KLHL1: variants seen among roughly 807,000 people sequenced by gnomAD.
KLHL1 encodes kelch like family member 1, also known as kelch-like protein 1.
Under a neutral mutation model 77.7 loss-of-function variants are expected in KLHL1, and 47 were observed. The observed-to-expected ratio is 0.60, with a 90% CI of 0.48 to 0.77. KLHL1 has a LOEUF of 0.77. Among genes scored for constraint, KLHL1 ranks in the 30% least tolerant of loss-of-function variants. The pLI is 0.00. For missense variants in KLHL1, 925 were observed against 910.8 expected (o/e 1.02, Z -0.20); for synonymous variants, 360 against 325.2 (o/e 1.11, Z -1.15).
intron 5 of KLHL1, among the ~76,000 whole-genome samples, chr13:69,846,705 G>C (rs908471617): frequency 6.6e-6 from 1 of 151,196 alleles, no homozygotes; most frequent in African/African-American, 2.4e-5. Flanking sequence ...TAATTTACTT[G>C]TTGATGGTTT....
intron 5 of KLHL1, among the ~76,000 whole-genome samples, chr13:69,877,881 T>C (rs1475768314): frequency 5.3e-5 from 8 of 152,160 alleles, no homozygotes. Context: ...AATGTGCTAA[T>C]TTATAATTAA....
chr13:70,037,151 T>C (rs1185377767), intron 1 of KLHL1, among the ~76,000 whole-genome samples: 1 of 152,060 alleles, frequency 6.6e-6, no homozygotes, highest in African/African-American at 2.4e-5. Flanking sequence ...TTTTTGCTCA[T>C]AAATACATTT....
At chr13:70,069,330 C>A (rs1202039422) in intron 1 of KLHL1, among the ~76,000 whole-genome samples, 1 of 152,220 alleles carries the variant, frequency 6.6e-6, no homozygotes, top group Non-Finnish European at 1.5e-5. Context: ...GGAGTCTTAG[C>A]CAGTGAAACC....
At chr13:70,033,108 C>T (rs1168464520) in intron 1 of KLHL1, among the ~76,000 whole-genome samples, 1 of 152,050 alleles carries the variant, frequency 6.6e-6, no homozygotes, top group Non-Finnish European at 1.5e-5. Context: ...ATAAAAATTT[C>T]TTCTGAATGG....
intron 6 of KLHL1, among the ~76,000 whole-genome samples, chr13:69,824,075 T>C (rs1190117309): frequency 1.3e-5 from 2 of 152,044 alleles, no homozygotes; most frequent in Non-Finnish European, 2.9e-5. Context: ...TGCATGTTCA[T>C]AGAAGCATCC....
intron 7 of KLHL1, among the ~76,000 whole-genome samples, chr13:69,764,521 C>T (rs762664005): frequency 6.9e-6 from 1 of 145,028 alleles, no homozygotes; most frequent in Non-Finnish European, 1.5e-5. Flanking sequence ...GTCCTAAATT[C>T]ATAACATTTC....
intron 5 of KLHL1, among the ~76,000 whole-genome samples, chr13:69,841,707 T>C (rs1879268057): frequency 6.6e-6 from 1 of 151,656 alleles, no homozygotes; most frequent in Admixed American, 6.6e-5. Flanking sequence ...GATAAACAAT[T>C]CTAAAATATA....
At chr13:70,068,985 T>C (rs547836838) in intron 1 of KLHL1, among the ~76,000 whole-genome samples, 2 of 152,310 alleles carry the variant, frequency 1.3e-5, no homozygotes, top group South Asian at 4.1e-4. Flanking sequence ...TATATCAAAA[T>C]GTCTTAGGAG....
intron 8 of KLHL1, among the ~76,000 whole-genome samples, chr13:69,728,649 C>CAAAAAAAAA (rs536317353): frequency 7.5e-6 from 1 of 132,822 alleles, no homozygotes; most frequent in African/African-American, 2.8e-5. Flanking sequence ...CTAAAAATGC[C>CAAAAAAAAA]AAAAAAAAAA....
At chr13:69,702,324 C>G (rs1566348822) in intron 10 of KLHL1, among the ~76,000 whole-genome samples, 1 of 151,518 alleles carries the variant, frequency 6.6e-6, no homozygotes, top group African/African-American at 2.4e-5. Context: ...GAAATGAGAA[C>G]TGAGTATTTT....
At chr13:69,892,183 A>C (rs1481955130) in intron 4 of KLHL1, among the ~76,000 whole-genome samples, 1 of 152,170 alleles carries the variant, frequency 6.6e-6, no homozygotes, top group Non-Finnish European at 1.5e-5. Context: ...GAACGGTATG[A>C]GCTAGAAAGT....
At chr13:69,919,088 T>C (rs1378220696) in intron 4 of KLHL1, among the ~76,000 whole-genome samples, 1 of 151,998 alleles carries the variant, frequency 6.6e-6, no homozygotes, top group Non-Finnish European at 1.5e-5. Context: ...TCTAACACCA[T>C]AATGGTCTAA....
intron 1 of KLHL1, among the ~76,000 whole-genome samples, chr13:70,009,584 G>C (rs150624720): frequency 9.2e-5 from 14 of 152,124 alleles, no homozygotes; most frequent in African/African-American, 2.9e-4. Context: ...TTGTTATTGG[G>C]TAGTGAGAGT....
intron 4 of KLHL1, among the ~76,000 whole-genome samples, chr13:69,887,657 G>A (rs1207303796): frequency 6.6e-6 from 1 of 152,092 alleles, no homozygotes; most frequent in Non-Finnish European, 1.5e-5. Context: ...TATAACAAGG[G>A]TCACTTTTCC....
chr13:69,878,514 C>A (rs2138189088), intron 5 of KLHL1, among the ~76,000 whole-genome samples: 1 of 152,120 alleles, frequency 6.6e-6, no homozygotes. Flanking sequence ...TCTTACCTCA[C>A]TGAGAAAATA....
chr13:70,024,620 TTCTCTCTCTCTCTC>T (rs5804459), intron 1 of KLHL1, among the ~76,000 whole-genome samples: 35,181 of 130,360 alleles, frequency 0.27, 4,696 homozygotes, highest in African/African-American at 0.36. Context: ...GAGAAAAGAT[TTCTCTCTCTCTCTC>T]TCTCTCTCTC....
chr13:69,820,065 G>T (rs1878272681), intron 6 of KLHL1, among the ~76,000 whole-genome samples: 1 of 152,112 alleles, frequency 6.6e-6, no homozygotes, highest in South Asian at 2.1e-4. Flanking sequence ...TCAAAAGAGG[G>T]CTGCTCCTTC....
chr13:69,994,571 C>T (rs1310195089), intron 1 of KLHL1, among the ~76,000 whole-genome samples: 3 of 152,066 alleles, frequency 2.0e-5, no homozygotes, highest in Admixed American at 2.0e-4. Context: ...ATATATCACA[C>T]ATCAAATAAA....
chr13:69,904,752 G>T (rs534489993), intron 4 of KLHL1, among the ~76,000 whole-genome samples: 2 of 152,072 alleles, frequency 1.3e-5, no homozygotes, highest in Non-Finnish European at 2.9e-5. Context: ...CAGAGTTTAC[G>T]CTTAATCATT....
Sources: allele counts gnomAD v4.1 joint callset (sites outside exome capture counted in the v4.1 genomes callset), GRCh38; gene constraint gnomAD v4.1.1; transcripts MANE v1.5; gene names NCBI Gene and HGNC (gene_info 2026-07-23, HGNC 2026-07-21).